SORCS2: variants seen among roughly 807,000 people sequenced by gnomAD.
SORCS2 encodes VPS10 domain-containing receptor SorCS2.
Under a neutral mutation model 141.6 loss-of-function variants are expected in SORCS2, and 100 were observed. The observed-to-expected ratio is 0.71, with a 90% CI of 0.60 to 0.83. SORCS2 has a LOEUF of 0.83. Ranked by LOEUF, SORCS2 falls within the 40% of genes least tolerant of loss-of-function variation. The pLI is 0.00. For missense variants in SORCS2, 1,646 were observed against 1,560.2 expected, an observed-to-expected ratio of 1.05 and a Z score of -0.93; for synonymous variants, 789 against 676.9, an observed-to-expected ratio of 1.17 and a Z score of -2.57.
intron 1 of SORCS2, among the ~76,000 whole-genome samples, chr4:7,375,754 T>C (rs907942959): frequency 1.3e-5 from 2 of 152,188 alleles, no homozygotes; most frequent in African/African-American, 4.8e-5. Context: ...TAGAAGTGAC[T>C]GTGAGGATTA....
chr4:7,234,198 G>C (rs1712100720), intron 1 of SORCS2, among the ~76,000 whole-genome samples: 1 of 152,212 alleles, frequency 6.6e-6, no homozygotes, highest in Non-Finnish European at 1.5e-5. Flanking sequence ...TGATTCTTTT[G>C]ATACCTTGAT....
intron 3 of SORCS2, among the ~76,000 whole-genome samples, chr4:7,598,841 C>G (rs945311660): frequency 2.6e-5 from 4 of 152,214 alleles, no homozygotes; most frequent in Admixed American, 6.5e-5. Flanking sequence ...TTCTCCCCCC[C>G]AGGCTGTGCT....
At chr4:7,292,025 G>A (rs965218816) in intron 1 of SORCS2, among the ~76,000 whole-genome samples, 27 of 152,190 alleles carry the variant, frequency 1.8e-4, no homozygotes, top group African/African-American at 6.3e-4. Context: ...TCTGGGGGAG[G>A]GTCCCTTGGG....
chr4:7,508,839 G>A (rs1732434664), intron 2 of SORCS2, among the ~76,000 whole-genome samples: 1 of 152,168 alleles, frequency 6.6e-6, no homozygotes, highest in African/African-American at 2.4e-5. Flanking sequence ...TAGGAGCAAA[G>A]AATACTGTGG....
intron 18 of SORCS2, among the ~76,000 whole-genome samples, chr4:7,719,544 C>G: frequency 6.6e-6 from 1 of 152,198 alleles, no homozygotes; most frequent in East Asian, 1.9e-4. Flanking sequence ...GAGCCGTTCC[C>G]TGGTGCAGGC....
intron 3 of SORCS2, among the ~76,000 whole-genome samples, chr4:7,564,156 G>A (rs1346655469): frequency 6.6e-6 from 1 of 152,206 alleles, no homozygotes; most frequent in Non-Finnish European, 1.5e-5. Flanking sequence ...TGGGCCATGA[G>A]GCTGCAGGCC....
At chr4:7,270,531 T>C (rs1225044042) in intron 1 of SORCS2, among the ~76,000 whole-genome samples, 2 of 152,226 alleles carry the variant, frequency 1.3e-5, no homozygotes, top group Non-Finnish European at 2.9e-5. Flanking sequence ...CTACGGGTCC[T>C]CACACCACAT....
chr4:7,434,220 C>T (rs2109237269), intron 2 of SORCS2: 1 of 1,613,706 alleles, frequency 6.2e-7, no homozygotes, highest in Non-Finnish European at 8.5e-7. Flanking sequence ...AGAGGACGGC[C>T]AGGCCAGGCC....
At chr4:7,639,452 ATG>A (rs199566585) in intron 4 of SORCS2, among the ~76,000 whole-genome samples, 1 of 144,912 alleles carries the variant, frequency 6.9e-6, no homozygotes, top group Admixed American at 6.9e-5. Flanking sequence ...GTGTGAGTGC[ATG>A]TGTGTGGGTG....
At chr4:7,712,652 C>T (rs1261332517) in intron 14 of SORCS2, 81 bp from the exon 15 acceptor site, 1 of 1,580,152 alleles carries the variant, frequency 6.3e-7, no homozygotes, top group Non-Finnish European at 8.7e-7. Context: ...GGAACAGAGT[C>T]CAGAGGGGAC....
At chr4:7,390,562 T>C (rs962468532) in intron 1 of SORCS2, among the ~76,000 whole-genome samples, 5 of 152,206 alleles carry the variant, frequency 3.3e-5, no homozygotes, top group African/African-American at 7.2e-5. Context: ...AAGGGATTAT[T>C]GCGCGTCTCT....
intron 1 of SORCS2, among the ~76,000 whole-genome samples, chr4:7,388,273 A>G (rs1400384911): frequency 2.0e-5 from 3 of 152,008 alleles, no homozygotes; most frequent in Non-Finnish European, 2.9e-5. Flanking sequence ...CAAAACCCCA[A>G]TGACAGACTC....
chr4:7,313,659 G>A (rs1224977387), intron 1 of SORCS2, among the ~76,000 whole-genome samples: 3 of 152,204 alleles, frequency 2.0e-5, no homozygotes, highest in Non-Finnish European at 2.9e-5. Flanking sequence ...GCCTGGCCTT[G>A]TCTGTTTTGG....
chr4:7,547,495 G>A (rs1713350123), intron 3 of SORCS2, among the ~76,000 whole-genome samples: 1 of 152,240 alleles, frequency 6.6e-6, no homozygotes, highest in Admixed American at 6.5e-5. Flanking sequence ...CTGCAGGCCT[G>A]TGCCCGCTGA....
intron 2 of SORCS2, among the ~76,000 whole-genome samples, chr4:7,493,560 C>T (rs957316569): frequency 2.0e-5 from 3 of 152,160 alleles, no homozygotes; most frequent in African/African-American, 7.2e-5. Context: ...CCTTGGGCTT[C>T]AGTTTCCCCA....
intron 2 of SORCS2, among the ~76,000 whole-genome samples, chr4:7,477,405 CTGGGGCTGACCGTGGCTGATCG>C (rs1730370624): frequency 1.6e-4 from 1 of 6,124 alleles, no homozygotes; most frequent in Non-Finnish European, 7.3e-4. Context: ...ACATGGCTGA[CTGGGGCTGACCGTGGCTGATCG>C]GGGCTGACCA....
intron 3 of SORCS2, among the ~76,000 whole-genome samples, chr4:7,611,667 GT>G (rs1718413784): frequency 1.3e-5 from 2 of 152,214 alleles, no homozygotes; most frequent in African/African-American, 4.8e-5. Flanking sequence ...TGGTTGTTAG[GT>G]TTTTAAATGC....
In SORCS2 at chr4:7,607,375, G is replaced by A. The variant is rs576978430; in HGVS notation, c.649-30953G>A. Among the ~76,000 whole-genome samples, 9 of 152,210 alleles carry A rather than the reference G, an allele frequency of 5.9e-5. No individual in the cohort carries two copies. The South Asian group carries it at 1.7e-3, about 28-fold the overall frequency. On this transcript the variant is annotated intron_variant, in intron 3 of 26. Coordinates refer to ENST00000507866, the MANE Select transcript of SORCS2 (RefSeq NM_020777.3). ...CCTGGGGAGGTGGAGAGGGTGCGTC[G>A]GGGAATTTTTGTTCTGCAGCCTGCC...
intron 3 of SORCS2, among the ~76,000 whole-genome samples, chr4:7,637,166 G>A (rs554637773): frequency 1.6e-4 from 25 of 152,164 alleles, no homozygotes; most frequent in African/African-American, 4.3e-4. Flanking sequence ...TCACAGTCGC[G>A]AGTACTGGGG....
Sources: gnomAD v4.1 joint callset for allele counts (sites outside exome capture counted in the v4.1 genomes callset) on GRCh38, gnomAD v4.1.1 for gene constraint, MANE v1.5 for transcripts, NCBI Gene and HGNC (gene_info 2026-07-23, HGNC 2026-07-21) for gene names.